The following MCHR2 variants were observed in gnomAD, a reference collection of about 807,000 sequenced individuals.
MCHR2 encodes the protein melanin-concentrating hormone receptor 2.
In MCHR2, 15 loss-of-function variants were observed where a neutral mutation model predicts 24.8. The ratio of observed to expected loss-of-function variants is 0.60; its 90% CI spans 0.40 to 0.93. The LOEUF (loss-of-function observed/expected upper bound fraction) is 0.93, where lower values mean the gene tolerates loss of function less well. MCHR2 is among the 40% of genes least tolerant of loss of function. The probability of loss-of-function intolerance (pLI) is 0.00; values close to 1 mark genes in which losing one functional copy is unlikely to be tolerated. For synonymous variants in MCHR2, 151 were observed against 147.6 expected (o/e 1.02, Z -0.17); for missense variants, 386 against 408.7 (o/e 0.94, Z 0.48).
intron 1 of MCHR2, among the ~76,000 whole-genome samples, chr6:99,963,127 CA>C (rs1261677316): frequency 2.0e-5 from 3 of 151,426 alleles, no homozygotes; most frequent in Non-Finnish European, 4.4e-5. Flanking sequence ...AGTGGCAAAA[CA>C]AAAAACCCAG....
chr6:99,962,505 G>C (rs1180616223), intron 1 of MCHR2, among the ~76,000 whole-genome samples: 3 of 152,100 alleles, frequency 2.0e-5, no homozygotes, highest in Non-Finnish European at 4.4e-5. Flanking sequence ...GGAGAGGATA[G>C]ACTTTTCAAC....
intron 1 of MCHR2, among the ~76,000 whole-genome samples, chr6:99,963,156 T>A (rs985917214): frequency 1.3e-5 from 2 of 151,938 alleles, no homozygotes; most frequent in Admixed American, 6.6e-5. Context: ...GTATTGAGGA[T>A]GTGGAAAAGT....
chr6:99,969,987 G>GTT (rs1244012124), intron 1 of MCHR2, among the ~76,000 whole-genome samples: 3 of 3,648 alleles, frequency 8.2e-4, no homozygotes, highest in Non-Finnish European at 0.04. Context: ...TTGGTTCCAA[G>GTT]TCTGCTATTG....
chr6:99,923,166 T>A (rs977966720), intron 5 of MCHR2, among the ~76,000 whole-genome samples: 1 of 152,098 alleles, frequency 6.6e-6, no homozygotes, highest in African/African-American at 2.4e-5. Flanking sequence ...TGGGCTTACT[T>A]TTTTATTTCT....
intron 5 of MCHR2, among the ~76,000 whole-genome samples, chr6:99,930,167 C>G (rs571405471): frequency 2.9e-4 from 44 of 152,294 alleles, no homozygotes; most frequent in African/African-American, 1.0e-3. Flanking sequence ...AATATTGGCC[C>G]TCACTTTCTC....
At chr6:99,955,936 G>GAA (rs756442150) in intron 2 of MCHR2, 30 bp downstream of exon 2, 1,225 of 1,236,718 alleles carry the variant, frequency 9.9e-4, no homozygotes, top group African/African-American at 4.5e-3. Flanking sequence ...AGTATGGAAG[G>GAA]AAAAAAAAAA....
At position 99,918,578 on chromosome 6, in the gene MCHR2, A is replaced by T. The variant is rs1363605256; in HGVS notation, c.*2362T>A. ...AGTTTAAATGAGGCACCTAGAATTG[A>T]ATAAGAATAGAATAAGGATACGATT... On this transcript the variant is annotated 3_prime_UTR_variant, in exon 6 of 6. Coordinates refer to ENST00000281806, the MANE Select transcript of MCHR2 (RefSeq NM_001040179.2). 2.0e-5 allele frequency among the ~76,000 whole-genome samples: 3 copies of T among 152,236 alleles called. No homozygotes were observed. Among genetic ancestry groups the T allele is most frequent in the Non-Finnish European group, 4.4e-5 (3 of 68,030 alleles).
chr6:99,993,723 G>T (rs945985864), intron 1 of MCHR2, among the ~76,000 whole-genome samples: 2 of 151,992 alleles, frequency 1.3e-5, no homozygotes, highest in Non-Finnish European at 2.9e-5. Context: ...CACCCGCCCC[G>T]CTCCGTCTCG....
intron 1 of MCHR2, among the ~76,000 whole-genome samples, chr6:99,980,384 T>C (rs1775642100): frequency 6.6e-6 from 1 of 152,210 alleles, no homozygotes; most frequent in Non-Finnish European, 1.5e-5. Context: ...AAGTTGTTTG[T>C]GCTAATGGCC....
At chr6:99,933,769 C>A (rs72936179) in intron 5 of MCHR2, among the ~76,000 whole-genome samples, 4,674 of 151,876 alleles carry the variant, frequency 0.031, 204 homozygotes, top group East Asian at 0.12. Context: ...TGTTTTTAAC[C>A]AACAGGTTAT....
At chr6:99,992,175 C>A (rs1210977479) in intron 1 of MCHR2, among the ~76,000 whole-genome samples, 1 of 152,198 alleles carries the variant, frequency 6.6e-6, no homozygotes, top group Admixed American at 6.5e-5. Flanking sequence ...ATTTTCCATC[C>A]CTTGTGGAGT....
chr6:99,936,607 T>G (rs1051527100), intron 4 of MCHR2, among the ~76,000 whole-genome samples: 10 of 152,086 alleles, frequency 6.6e-5, no homozygotes, highest in African/African-American at 2.4e-4. Flanking sequence ...CTAGTAAATT[T>G]TGAAGTCGGG....
At chr6:99,936,542 T>C (rs1025395895) in intron 4 of MCHR2, among the ~76,000 whole-genome samples, 7 of 151,986 alleles carry the variant, frequency 4.6e-5, no homozygotes, top group Non-Finnish European at 8.8e-5. Flanking sequence ...TTCTGTTCCA[T>C]TCGTCAATGT....
chr6:99,992,082 G>A (rs11155195), intron 1 of MCHR2, among the ~76,000 whole-genome samples: 91,788 of 152,096 alleles, frequency 0.6, 27,794 homozygotes, highest in Middle Eastern at 0.66. Context: ...TTCCAGCTGG[G>A]TTGAAGGAAG....
intron 4 of MCHR2, among the ~76,000 whole-genome samples, chr6:99,937,416 G>A (rs1240376478): frequency 1.3e-5 from 2 of 151,876 alleles, no homozygotes; most frequent in Non-Finnish European, 2.9e-5. Context: ...TTATCAGAAA[G>A]GGATGCTGAA....
At chr6:99,933,405 C>T (rs1049507085) in intron 5 of MCHR2, among the ~76,000 whole-genome samples, 1 of 152,106 alleles carries the variant, frequency 6.6e-6, no homozygotes, top group Admixed American at 6.5e-5. Context: ...TCATTTTAAC[C>T]TTCTCACCAA....
chr6:99,922,418 T>G (rs893558822), intron 5 of MCHR2, among the ~76,000 whole-genome samples: 2 of 152,160 alleles, frequency 1.3e-5, no homozygotes, highest in Non-Finnish European at 2.9e-5. Context: ...CATTTGTCCA[T>G]TTTTTGCTTT....
chr6:99,939,135 C>G (rs1482199077), intron 4 of MCHR2, among the ~76,000 whole-genome samples: 1 of 151,928 alleles, frequency 6.6e-6, no homozygotes, highest in Non-Finnish European at 1.5e-5. Flanking sequence ...CTTTATCAAG[C>G]CTCTTGCTGC....
intron 3 of MCHR2, 81 bp downstream of exon 3, chr6:99,947,681 C>T (rs1455019556): frequency 7.1e-7 from 1 of 1,413,282 alleles, no homozygotes; most frequent in East Asian, 2.3e-5. Context: ...TAAACCAAAA[C>T]TGGTGTTGGA....
Sources: gnomAD v4.1 joint callset for allele counts (sites outside exome capture counted in the v4.1 genomes callset) on GRCh38, gnomAD v4.1.1 for gene constraint, MANE v1.5 for transcripts, NCBI Gene and HGNC (gene_info 2026-07-23, HGNC 2026-07-21) for gene names.